Variants in ARHGEF10 observed in about 807,000 individuals in gnomAD.
ARHGEF10 encodes Rho guanine nucleotide exchange factor 10, also known as Rho guanine nucleotide exchange factor (GEF) 10.
In ARHGEF10, 140 loss-of-function variants were observed where a neutral mutation model predicts 147.4. The ratio of observed to expected loss-of-function variants is 0.95; its 90% CI spans 0.83 to 1.09. The LOEUF is 1.09. Among genes scored for constraint, ARHGEF10 ranks in the 50% least tolerant of loss-of-function variants. ARHGEF10 has a pLI of 0.00. For synonymous variants in ARHGEF10, 902 were observed against 695.8 expected, an observed-to-expected ratio of 1.30 and a Z score of -4.67; for missense variants, 2,222 against 1,752.7, an observed-to-expected ratio of 1.27 and a Z score of -4.78.
chr8:1,849,024 T>C lies in ARHGEF10; in HGVS notation c.37+5588T>C, dbSNP rs146698788. 4.5e-3 allele frequency among the ~76,000 whole-genome samples: 679 copies of C among 152,322 alleles called. 8 individuals carry two copies. Among genetic ancestry groups the C allele is most frequent in the African/African-American group, 0.015 (625 of 41,556 alleles). Reference sequence around the variant, plus strand: ...TAAAGCTCCGTGGCTTTTACTGTATTCACAAGCATGTAGGACCATCACACA... The same window carrying C: ...TAAAGCTCCGTGGCTTTTACTGTATCCACAAGCATGTAGGACCATCACACA... On this transcript the variant is annotated intron_variant, in intron 2 of 28. Coordinates refer to ENST00000349830, the MANE Select transcript of ARHGEF10 (RefSeq NM_014629.4).
chr8:1,847,573 C>G (rs573486015), intron 2 of ARHGEF10, among the ~76,000 whole-genome samples: 8 of 152,010 alleles, frequency 5.3e-5, no homozygotes, highest in Non-Finnish European at 8.8e-5. Context: ...CTGGCATCGT[C>G]TCTGGGGGCA....
At chr8:1,834,803 C>A (rs1803481147) in intron 1 of ARHGEF10, among the ~76,000 whole-genome samples, 1 of 152,200 alleles carries the variant, frequency 6.6e-6, no homozygotes, top group East Asian at 1.9e-4. Flanking sequence ...AATGTGAAAT[C>A]AATCGGGTGC....
At chr8:1,929,936 C>A (rs1347347960) in intron 25 of ARHGEF10, among the ~76,000 whole-genome samples, 1 of 152,232 alleles carries the variant, frequency 6.6e-6, no homozygotes, top group Non-Finnish European at 1.5e-5. Context: ...CTGGCCCATC[C>A]CGCCTGGTCC....
rs146787564 is a variant in ARHGEF10 at position 1,903,366 on chromosome 8, A to G, written c.1736A>G (p.Lys579Arg). The G allele has an allele frequency of 6.2e-7, 1 of 1,614,090 alleles. No individual in the cohort carries two copies. Among genetic ancestry groups the G allele is most frequent in the Non-Finnish European group, 8.5e-7 (1 of 1,180,058 alleles). Residue 579 changes from lysine to arginine, a missense_variant, in exon 16 of 29, where the codon AAG becomes AGG. Lys to Arg is a conservative substitution (Grantham distance 26). Transcript: ENST00000349830. ...ALTELETLAEKLNERKRDADQ... is the reference protein window; with the variant it reads ...ALTELETLAERLNERKRDADQ... ...ACAGAGCTCGAAACACTAGCAGAGA[A>G]GTTAAATGAAAGAAAGAGAGATGCT...
intron 25 of ARHGEF10, among the ~76,000 whole-genome samples, chr8:1,931,989 G>A (rs896964075): frequency 3.3e-5 from 5 of 152,174 alleles, no homozygotes; most frequent in South Asian, 2.1e-4. Context: ...TTGAGTTCTC[G>A]TTTCAAAGGA....
chr8:1,840,408 G>C (rs1405953252), intron 1 of ARHGEF10, among the ~76,000 whole-genome samples: 1 of 138,780 alleles, frequency 7.2e-6, no homozygotes, highest in Non-Finnish European at 1.6e-5. Flanking sequence ...CTGGTGTGGG[G>C]ACTGTCTGGT....
chr8:1,891,679 A>G (rs1461231302), intron 11 of ARHGEF10, among the ~76,000 whole-genome samples: 1 of 152,044 alleles, frequency 6.6e-6, no homozygotes, highest in Non-Finnish European at 1.5e-5. Context: ...TGCATTCAGG[A>G]TGGATTTCTC....
At chr8:1,899,207 G>A (rs1378372604) in intron 15 of ARHGEF10, among the ~76,000 whole-genome samples, 3 of 152,282 alleles carry the variant, frequency 2.0e-5, no homozygotes, top group South Asian at 2.1e-4. Flanking sequence ...CTCGTTTTCC[G>A]ACCTTCCCAC....
At chr8:1,926,529 G>A in intron 23 of ARHGEF10, 66 bp downstream of exon 23, 1 of 1,441,904 alleles carries the variant, frequency 6.9e-7, no homozygotes, top group African/African-American at 1.4e-5. Flanking sequence ...TCGGTGTGAT[G>A]AGAGACTGAG....
In ARHGEF10 at chr8:1,923,525, A is replaced by G. The variant is rs748248951; in HGVS notation, c.2317A>G (p.Lys773Glu). ...WTSGLQRLILKKEDEIRAADC... is the reference protein window; with the variant it reads ...WTSGLQRLILEKEDEIRAADC... ...ATCAGGTTTACAAAGGCTTATTTTG[A>G]AGAAAGAAGATGAAATCAGAGCTGC... Residue 773 changes from lysine (K) to glutamate (E), a missense_variant, in exon 20 of 29, where the codon AAG becomes GAG. Transcript: ENST00000349830. 1.2e-6 allele frequency: 2 copies of G among 1,614,102 alleles called. No individual in the cohort carries two copies. Among genetic ancestry groups the G allele is most frequent in the South Asian group, 1.1e-5 (1 of 91,084 alleles).
chr8:1,940,818 C>T (rs560288292), intron 26 of ARHGEF10, among the ~76,000 whole-genome samples: 2 of 152,172 alleles, frequency 1.3e-5, no homozygotes, highest in East Asian at 1.9e-4. Flanking sequence ...TGGTTCAGGA[C>T]GTGAAAATCA....
intron 18 of ARHGEF10, among the ~76,000 whole-genome samples, chr8:1,914,613 G>A (rs531647108): frequency 2.2e-4 from 33 of 152,356 alleles, no homozygotes; most frequent in African/African-American, 7.5e-4. Context: ...CAAAGCTGTC[G>A]TGTTTTGAAA....
chr8:1,893,891 G>T (rs1043704230), intron 12 of ARHGEF10, among the ~76,000 whole-genome samples: 3 of 152,056 alleles, frequency 2.0e-5, no homozygotes, highest in African/African-American at 7.2e-5. Flanking sequence ...AAAAATGTCT[G>T]GGCCAGGCTC....
intron 27 of ARHGEF10, among the ~76,000 whole-genome samples, chr8:1,951,991 T>C (rs992714663): frequency 1.2e-4 from 19 of 152,384 alleles, no homozygotes; most frequent in African/African-American, 4.3e-4. Context: ...GTCTCCCACA[T>C]TGTTTTGCAG....
chr8:1,919,716 G>T (rs1050485525), intron 18 of ARHGEF10, among the ~76,000 whole-genome samples: 1 of 147,666 alleles, frequency 6.8e-6, no homozygotes, highest in Non-Finnish European at 1.5e-5. Flanking sequence ...GAGCTGTTCT[G>T]TCAGTGATGG....
At chr8:1,941,314 G>A (rs1477495448) in intron 26 of ARHGEF10, among the ~76,000 whole-genome samples, 1 of 152,164 alleles carries the variant, frequency 6.6e-6, no homozygotes, top group Non-Finnish European at 1.5e-5. Context: ...CTATACACTA[G>A]CAGCAAACAA....
At chr8:1,854,800 C>T (rs189022484) in intron 2 of ARHGEF10, among the ~76,000 whole-genome samples, 2 of 152,230 alleles carry the variant, frequency 1.3e-5, no homozygotes, top group Admixed American at 6.5e-5. Flanking sequence ...ACATGATGTG[C>T]GTGTCACACA....
At chr8:1,900,041 A>T (rs1163307221) in intron 15 of ARHGEF10, among the ~76,000 whole-genome samples, 3 of 152,200 alleles carry the variant, frequency 2.0e-5, no homozygotes, top group Non-Finnish European at 4.4e-5. Context: ...CTGTGTTGTG[A>T]GGTCACACAC....
At chr8:1,924,504 A>G (rs1033694280) in intron 21 of ARHGEF10, among the ~76,000 whole-genome samples, 16 of 152,262 alleles carry the variant, frequency 1.1e-4, no homozygotes, top group African/African-American at 3.9e-4. Flanking sequence ...TCTGCTGTAG[A>G]TAATCTGAAA....
Sources: allele counts gnomAD v4.1 joint callset (sites outside exome capture counted in the v4.1 genomes callset), GRCh38; gene constraint gnomAD v4.1.1; transcripts MANE v1.5; gene names NCBI Gene and HGNC (gene_info 2026-07-23, HGNC 2026-07-21).